Variants in NHERF4 observed in about 807,000 individuals in gnomAD.
NHERF4 encodes NHERF family PDZ scaffold protein 4, also known as Na(+)/H(+) exchange regulatory cofactor NHE-RF4.
the NHERF4 span, chr11:119,189,115 GCTGCCTGAGGCTGAGCCACCCCT>G: frequency 1.9e-6 from 3 of 1,613,902 alleles, no homozygotes; most frequent in Non-Finnish European, 2.5e-6. This position sits in a 1 kb window ranked among gnomAD's most constrained non-coding sequence, Gnocchi z 5.8. Flanking sequence ...GGCTTCAGCA[GCTGCCTGAGGCTGAGCCACCCCT>G]CTGCCTGAAG....
chr11:119,185,992 T>C, the NHERF4 span: 14 of 1,613,866 alleles, frequency 8.7e-6, no homozygotes, highest in East Asian at 8.9e-5. Context: ...AGGAAATAAT[T>C]GGAGGCAGCG....
the NHERF4 span, chr11:119,189,386 A>G: frequency 1.3e-6 from 2 of 1,567,120 alleles, no homozygotes; most frequent in Non-Finnish European, 8.8e-7. This position sits in a 1 kb window ranked among gnomAD's most constrained non-coding sequence, Gnocchi z 5.8. Flanking sequence ...TGGGCATTCC[A>G]GTGCAGGGCG....
At chr11:119,186,997 G>C in the NHERF4 span, among the ~76,000 whole-genome samples, 1 of 152,120 alleles carries the variant, frequency 6.6e-6, no homozygotes, top group Non-Finnish European at 1.5e-5. The surrounding 1 kb of genome is among the most constrained non-coding windows in gnomAD (Gnocchi z 4.4). Context: ...AAATTAGCTG[G>C]GCGTGGTGGC....
chr11:119,185,728 G>A, the NHERF4 span: 1 of 808,784 alleles, frequency 1.2e-6, no homozygotes, highest in African/African-American at 1.7e-5. Flanking sequence ...GACTTGGGGG[G>A]AGAGAAAGGG....
the NHERF4 span, chr11:119,187,257 GC>G: frequency 1.9e-6 from 3 of 1,578,584 alleles, no homozygotes; most frequent in Non-Finnish European, 2.6e-6. Flanking sequence ...ACGCCCACGT[GC>G]CCTCTGTCCA....
chr11:119,185,514 G>A, the NHERF4 span: 6 of 1,613,816 alleles, frequency 3.7e-6, no homozygotes, highest in Non-Finnish European at 5.1e-6. Flanking sequence ...GCCGCAGGTA[G>A]GAGGCCAGGA....
chr11:119,186,724 C>T, the NHERF4 span: 1 of 1,555,624 alleles, frequency 6.4e-7, no homozygotes, highest in South Asian at 1.2e-5. The surrounding 1 kb of genome is among the most constrained non-coding windows in gnomAD (Gnocchi z 4.4). Flanking sequence ...ATGCTAGCAC[C>T]TCAGAAAGAG....
At chr11:119,187,399 C>T in the NHERF4 span, 13 of 1,613,958 alleles carry the variant, frequency 8.1e-6, no homozygotes, top group Middle Eastern at 1.6e-4. Flanking sequence ...CCCAGGGGTC[C>T]GGCCCCGGCT....
the NHERF4 span, chr11:119,188,210 C>T: frequency 2.3e-5 from 35 of 1,528,812 alleles, no homozygotes; most frequent in Non-Finnish European, 2.9e-5. Context: ...AGCGTATATA[C>T]ACCTTTCAGT....
At chr11:119,189,385 C>T in the NHERF4 span, 1 of 1,564,312 alleles carries the variant, frequency 6.4e-7, no homozygotes, top group African/African-American at 1.4e-5. The surrounding 1 kb of genome is among the most constrained non-coding windows in gnomAD (Gnocchi z 5.8). Context: ...CTGGGCATTC[C>T]AGTGCAGGGC....
chr11:119,186,225 G>A, the NHERF4 span: 12 of 1,614,004 alleles, frequency 7.4e-6, no homozygotes, highest in Non-Finnish European at 8.5e-6. The surrounding 1 kb of genome is among the most constrained non-coding windows in gnomAD (Gnocchi z 4.4). Flanking sequence ...GGCTCCACAC[G>A]GCCTCCGATC....
At chr11:119,189,732 G>C in the NHERF4 span, 1 of 573,592 alleles carries the variant, frequency 1.7e-6, no homozygotes, top group Non-Finnish European at 3.1e-6. The surrounding 1 kb of genome is among the most constrained non-coding windows in gnomAD (Gnocchi z 5.8). Flanking sequence ...TCATATGGGA[G>C]TTTTAGAGAG....
chr11:119,188,985 G>C, the NHERF4 span: 1 of 1,613,798 alleles, frequency 6.2e-7, no homozygotes, highest in South Asian at 1.1e-5. Context: ...CCCCTGTTCT[G>C]CATGCCCCCA....
chr11:119,187,400 G>A, the NHERF4 span: 71 of 1,613,968 alleles, frequency 4.4e-5, no homozygotes, highest in Middle Eastern at 1.6e-4. Context: ...CCAGGGGTCC[G>A]GCCCCGGCTG....
At chr11:119,185,863 A>C in the NHERF4 span, 1 of 1,610,324 alleles carries the variant, frequency 6.2e-7, no homozygotes, top group East Asian at 2.2e-5. Flanking sequence ...TGCCAATGGA[A>C]GAGGCACATC....
At chr11:119,187,702 T>C in the NHERF4 span, 4 of 1,497,040 alleles carry the variant, frequency 2.7e-6, no homozygotes, top group Admixed American at 9.9e-5. Context: ...ACCAGGAAGG[T>C]GTGACTGCCT....
the NHERF4 span, chr11:119,186,272 C>T: frequency 3.1e-6 from 5 of 1,611,996 alleles, no homozygotes; most frequent in South Asian, 3.3e-5. The surrounding 1 kb of genome is among the most constrained non-coding windows in gnomAD (Gnocchi z 4.4). Flanking sequence ...CCTCTGATAA[C>T]AGCCTTGGTT....
At chr11:119,186,109 C>CAA in the NHERF4 span, 1 of 1,613,090 alleles carries the variant, frequency 6.2e-7, no homozygotes, top group East Asian at 2.2e-5. The surrounding 1 kb of genome is among the most constrained non-coding windows in gnomAD (Gnocchi z 4.4). Flanking sequence ...AAGTTTAACC[C>CAA]AAAGCTGGGC....
the NHERF4 span, chr11:119,189,180 C>T: frequency 6.2e-7 from 1 of 1,611,510 alleles, no homozygotes; most frequent in Non-Finnish European, 8.5e-7. The surrounding 1 kb of genome is among the most constrained non-coding windows in gnomAD (Gnocchi z 5.8). Flanking sequence ...GGCTTGGAAG[C>T]CTGGATTCCC....
Sources: gnomAD v4.1 joint callset for allele counts (sites outside exome capture counted in the v4.1 genomes callset) on GRCh38, gnomAD v4.1.1 for gene constraint, Gnocchi (gnomAD v3.1) non-coding constraint, MANE v1.5 for transcripts, NCBI Gene and HGNC (gene_info 2026-07-23, HGNC 2026-07-21) for gene names.